NICOL1: variants seen among roughly 807,000 people sequenced by gnomAD.
The protein encoded by NICOL1 is NELL2-interacting cell ontogeny regulator 1.
the NICOL1 span, chr4:2,042,974 C>A: frequency 1.8e-6 from 1 of 561,050 alleles, no homozygotes; most frequent in Non-Finnish European, 3.0e-6. Context: ...CCTCTGGCTC[C>A]AGTCATCCAA....
the NICOL1 span, among the ~76,000 whole-genome samples, chr4:2,043,152 G>A: frequency 6.6e-6 from 1 of 152,308 alleles, no homozygotes; most frequent in South Asian, 2.1e-4. Context: ...GCCCAATCCA[G>A]GATCCCCTAG....
chr4:2,042,562 A>G, the NICOL1 span: 1 of 474,354 alleles, frequency 2.1e-6, no homozygotes, highest in South Asian at 3.2e-5. Flanking sequence ...CTCTGCGGGG[A>G]GGACCGCGCC....
the NICOL1 span, among the ~76,000 whole-genome samples, chr4:2,043,682 G>A: frequency 6.6e-6 from 1 of 152,208 alleles, no homozygotes; most frequent in African/African-American, 2.4e-5. Context: ...CCCCACCAGT[G>A]GGAGCCACTG....
the NICOL1 span, chr4:2,041,967 G>A: frequency 6.9e-7 from 1 of 1,452,418 alleles, no homozygotes; most frequent in South Asian, 1.4e-5. Context: ...GTCGGATGGG[G>A]AACCCGGGCG....
the NICOL1 span, among the ~76,000 whole-genome samples, chr4:2,038,284 T>A: frequency 9.0e-4 from 103 of 114,854 alleles, 1 homozygote; most frequent in Middle Eastern, 0.011. Context: ...TATATATATA[T>A]AAAATTAAAA....
At chr4:2,042,851 C>A in the NICOL1 span, 1 of 1,447,562 alleles carries the variant, frequency 6.9e-7, no homozygotes, top group Non-Finnish European at 9.1e-7. Flanking sequence ...CGACGGTCCT[C>A]CCGGGCTTCC....
chr4:2,042,129 G>A, the NICOL1 span: 1 of 1,466,712 alleles, frequency 6.8e-7, no homozygotes, highest in African/African-American at 1.5e-5. Context: ...GCGGACTAGA[G>A]GCTCGCTGGG....
At chr4:2,037,385 C>A in the NICOL1 span, among the ~76,000 whole-genome samples, 1 of 152,174 alleles carries the variant, frequency 6.6e-6, no homozygotes, top group Non-Finnish European at 1.5e-5. Context: ...TGAGCCACTG[C>A]GCTCAGCCAA....
the NICOL1 span, chr4:2,041,875 G>A: frequency 4.5e-6 from 5 of 1,118,632 alleles, 1 homozygote; most frequent in South Asian, 9.9e-5. Flanking sequence ...CCCGGCCAGG[G>A]CCAGGCACAC....
the NICOL1 span, among the ~76,000 whole-genome samples, chr4:2,041,117 G>C: frequency 7.0e-6 from 1 of 142,460 alleles, no homozygotes; most frequent in Non-Finnish European, 1.5e-5. Context: ...TAGTCCCTGA[G>C]CTCCCGGCCA....
the NICOL1 span, among the ~76,000 whole-genome samples, chr4:2,038,279 AT>A: frequency 1.5e-5 from 2 of 134,376 alleles, no homozygotes; most frequent in African/African-American, 2.7e-5. Flanking sequence ...ATATATATAT[AT>A]ATATAAAATT....
chr4:2,036,814 G>A, the NICOL1 span, among the ~76,000 whole-genome samples: 2 of 152,246 alleles, frequency 1.3e-5, no homozygotes, highest in African/African-American at 4.8e-5. Context: ...GGGGAGACAC[G>A]GCTATGGGGA....
At chr4:2,041,150 T>TGGGGGGGGG in the NICOL1 span, among the ~76,000 whole-genome samples, 8 of 65,528 alleles carry the variant, frequency 1.2e-4, no homozygotes, top group African/African-American at 2.4e-4. Flanking sequence ...CTGGGTGGGG[T>TGGGGGGGGG]GGGGGGGGAG....
chr4:2,039,494 T>G, the NICOL1 span, among the ~76,000 whole-genome samples: 4 of 152,138 alleles, frequency 2.6e-5, no homozygotes, highest in African/African-American at 7.2e-5. Flanking sequence ...TATAAAATAT[T>G]GACATGTGAT....
the NICOL1 span, chr4:2,042,492 C>T: frequency 2.4e-6 from 1 of 414,084 alleles, no homozygotes; most frequent in Non-Finnish European, 4.2e-6. Context: ...AGAGTAGGTG[C>T]CGGGGGCCGG....
the NICOL1 span, chr4:2,042,694 C>CA: frequency 8.6e-7 from 1 of 1,160,264 alleles, no homozygotes; most frequent in Admixed American, 2.5e-5. Context: ...TTGCGGGTGA[C>CA]CCCCCCTGCG....
chr4:2,037,102 AG>A, the NICOL1 span, among the ~76,000 whole-genome samples: 1 of 152,048 alleles, frequency 6.6e-6, no homozygotes, highest in Non-Finnish European at 1.5e-5. Flanking sequence ...AAATGTGTGT[AG>A]CACTTCCCCC....
chr4:2,036,875 A>G, the NICOL1 span, among the ~76,000 whole-genome samples: 1 of 152,072 alleles, frequency 6.6e-6, no homozygotes, highest in Non-Finnish European at 1.5e-5. Context: ...GGGCTGTCAC[A>G]TTGCACATTC....
the NICOL1 span, among the ~76,000 whole-genome samples, chr4:2,040,432 G>C: frequency 2.0e-5 from 3 of 152,242 alleles, no homozygotes; most frequent in East Asian, 5.8e-4. Context: ...GGGGTGATAG[G>C]AGCAGGTCGC....
Sources: allele counts gnomAD v4.1 joint callset (sites outside exome capture counted in the v4.1 genomes callset), GRCh38; gene constraint gnomAD v4.1.1; transcripts MANE v1.5; gene names NCBI Gene and HGNC (gene_info 2026-07-23, HGNC 2026-07-21).